Variants in FBXO8 observed in about 807,000 individuals in gnomAD.
FBXO8 encodes the protein F-box only protein 8.
FBXO8 carries 15 observed loss-of-function variants against 33.4 expected under a neutral mutation model. The observed-to-expected ratio is 0.45, with a 90% CI of 0.30 to 0.69. The LOEUF is 0.69. FBXO8 is among the 30% of genes least tolerant of loss of function. The probability of loss-of-function intolerance (pLI) is 0.08; values close to 1 mark genes in which losing one functional copy is unlikely to be tolerated. For synonymous variants in FBXO8, 132 were observed against 131.5 expected, an observed-to-expected ratio of 1.00 and a Z score of -0.02; for missense variants, 274 against 380.3, an observed-to-expected ratio of 0.72 and a Z score of 2.32.
intron 1 of FBXO8, among the ~76,000 whole-genome samples, chr4:174,266,555 G>A (rs566168795): frequency 1.3e-5 from 2 of 152,214 alleles, no homozygotes; most frequent in East Asian, 3.9e-4. Context: ...TGTGAAACAT[G>A]GGTGTAACTG....
chr4:174,277,506 C>T lies in FBXO8; in HGVS notation c.-9+5904G>A, dbSNP rs1169359939. On this transcript the variant is annotated intron_variant, in intron 1 of 5. Transcript: ENST00000393674. The surrounding 1 kb of genome is among the most constrained non-coding windows in gnomAD (Gnocchi z 4.9). ...AAGAATGGTTTATATACTATTTGGGCATATAAAATCTACACAGGGAAAGAT... is the reference window on the plus strand; with the variant it reads ...AAGAATGGTTTATATACTATTTGGGTATATAAAATCTACACAGGGAAAGAT... Among the ~76,000 whole-genome samples the T allele has an allele frequency of 6.6e-6, 1 of 152,052 alleles. No individual in the cohort carries two copies. Among genetic ancestry groups the T allele is most frequent in the Non-Finnish European group, 1.5e-5 (1 of 67,942 alleles).
Position 174,253,551 on chromosome 4 carries a change from G to T in FBXO8, c.456+6148C>A, listed in dbSNP as rs373140511. Among the ~76,000 whole-genome samples, 1 of 152,296 alleles carries T rather than the reference G, an allele frequency of 6.6e-6. No homozygotes were observed. Among genetic ancestry groups the T allele is most frequent in the African/African-American group, 2.4e-5 (1 of 41,564 alleles). ...CCAGCAGAGACCAGAAACAAGGAAGGCTGAATCACATGTTTTAAGTGTATC... is the reference window on the plus strand; with the variant it reads ...CCAGCAGAGACCAGAAACAAGGAAGTCTGAATCACATGTTTTAAGTGTATC... On this transcript the variant is annotated intron_variant, in intron 3 of 5. Coordinates refer to ENST00000393674, the MANE Select transcript of FBXO8 (RefSeq NM_012180.3). The surrounding 1 kb of genome is among the most constrained non-coding windows in gnomAD (Gnocchi z 4.5).
At chr4:174,269,414 G>A (rs1204126494) in intron 1 of FBXO8, among the ~76,000 whole-genome samples, 1 of 152,086 alleles carries the variant, frequency 6.6e-6, no homozygotes, top group African/African-American at 2.4e-5. Context: ...GGCCAGGAGT[G>A]GTGGCTCATG....
chr4:174,242,748 A>C (rs1435722747), intron 3 of FBXO8, among the ~76,000 whole-genome samples: 1 of 151,516 alleles, frequency 6.6e-6, no homozygotes, highest in Non-Finnish European at 1.5e-5. Context: ...AAAACTGTTA[A>C]TGCTTGTTCT....
In FBXO8 at chr4:174,272,149, A is replaced by G. The variant is rs1328662797; in HGVS notation, c.-8-9049T>C. On this transcript the variant is annotated intron_variant, in intron 1 of 5. Coordinates refer to ENST00000393674, the MANE Select transcript of FBXO8 (RefSeq NM_012180.3). The surrounding 1 kb of genome is among the most constrained non-coding windows in gnomAD (Gnocchi z 4.7). ...AGGAGCTAATTTGAAGGAGGCTTCT[A>G]TTGGCCAAACCTGGAACATCAAAAT... 6.6e-6 allele frequency among the ~76,000 whole-genome samples: 1 copy of G among 152,216 alleles called. No homozygotes were observed. Among genetic ancestry groups the G allele is most frequent in the Non-Finnish European group, 1.5e-5 (1 of 68,028 alleles).
intron 3 of FBXO8, among the ~76,000 whole-genome samples, chr4:174,246,270 C>T (rs913252832): frequency 6.6e-6 from 1 of 152,016 alleles, no homozygotes; most frequent in Non-Finnish European, 1.5e-5. Flanking sequence ...AAACAATCTA[C>T]ACAATCTTCC....
chr4:174,276,957 A>G (rs1736974352), intron 1 of FBXO8, among the ~76,000 whole-genome samples: 1 of 152,222 alleles, frequency 6.6e-6, no homozygotes, highest in South Asian at 2.1e-4. Flanking sequence ...GAATGTATAT[A>G]AAAGCATCTT....
At chr4:174,282,938 T>C (rs1452326340) in intron 1 of FBXO8, among the ~76,000 whole-genome samples, 3 of 152,336 alleles carry the variant, frequency 2.0e-5, no homozygotes, top group East Asian at 3.9e-4. Flanking sequence ...ACAAGTTTTA[T>C]AACCCAAGTT....
In FBXO8 at chr4:174,259,885, A is replaced by ATGTAG; in HGVS notation, c.330-61_330-60insCTACA. 1 of 1,448,744 alleles carries ATGTAG rather than the reference A, an allele frequency of 6.9e-7. No individual in the cohort carries two copies. Among genetic ancestry groups the ATGTAG allele is most frequent in the Non-Finnish European group, 9.3e-7 (1 of 1,078,648 alleles). The allele number at this position is 1,448,744 out of a possible 1,614,324, so 89.7% of individuals were successfully genotyped here. A position where few individuals can be genotyped will look rare whatever the true frequency, so the allele number is the denominator to read the frequency against. ...TACTACATTTAATTTCCTAAGTTAA[A>ATGTAG]TATGCATATACATGCAAAAATAGTA... On this transcript the variant is annotated intron_variant, in intron 2 of 5. Transcript: ENST00000393674. The surrounding 1 kb of genome is among the most constrained non-coding windows in gnomAD (Gnocchi z 4.3).
chr4:174,238,416 T>C (rs1366743320), intron 5 of FBXO8, among the ~76,000 whole-genome samples: 2 of 151,880 alleles, frequency 1.3e-5, no homozygotes, highest in African/African-American at 4.8e-5. Context: ...GGAACAGTTT[T>C]GTAATTTCTG....
At chr4:174,249,422 T>G (rs1736236164) in intron 3 of FBXO8, among the ~76,000 whole-genome samples, 1 of 151,994 alleles carries the variant, frequency 6.6e-6, no homozygotes, top group Non-Finnish European at 1.5e-5. Context: ...GCTAGCTAAT[T>G]TAGAATTCTT....
chr4:174,238,748 TACATAGCCATGTATATATATATATACAC>T (rs1190348373), intron 5 of FBXO8, among the ~76,000 whole-genome samples: 3 of 136,760 alleles, frequency 2.2e-5, no homozygotes, highest in Admixed American at 7.6e-5. Flanking sequence ...TGGCTATATA[TACATAGCCATGTATATATATATATACAC>T]ACACACACAC....
chr4:174,268,678 C>A (rs1273285017), intron 1 of FBXO8, among the ~76,000 whole-genome samples: 1 of 152,110 alleles, frequency 6.6e-6, no homozygotes, highest in Non-Finnish European at 1.5e-5. Context: ...CCTCGTGATC[C>A]GCCCGCCTTG....
At position 174,282,843 on chromosome 4, in the gene FBXO8, T is replaced by C. The variant is rs150735895; in HGVS notation, c.-9+567A>G. ...ATGACTGAGGATTGGGATCCATTTA[T>C]GTGATTTTGCCAAATAAATATTGAG... On this transcript the variant is annotated intron_variant, in intron 1 of 5. Coordinates refer to ENST00000393674, the MANE Select transcript of FBXO8 (RefSeq NM_012180.3). Among the ~76,000 whole-genome samples the C allele has an allele frequency of 3.7e-4, 57 of 152,338 alleles. 2 individuals carry two copies. The East Asian group carries it at 0.01, about 28-fold the overall frequency.
Position 174,247,903 on chromosome 4 carries a change from T to G in FBXO8, c.457-6685A>C, listed in dbSNP as rs1736195914. On this transcript the variant is annotated intron_variant, in intron 3 of 5. Transcript: ENST00000393674. This position sits in a 1 kb window ranked among gnomAD's most constrained non-coding sequence, Gnocchi z 4.6. ...AGGTAAATGTAAAATCTATTAATTT[T>G]TATCAGTCCAGAAGTTCTCATTCTC... is the stretch of plus-strand genomic sequence containing the variant. Among the ~76,000 whole-genome samples the G allele has an allele frequency of 2.0e-5, 3 of 152,074 alleles. No homozygotes were observed. The highest frequency in any genetic ancestry group is 7.2e-5 in the African/African-American group (3 of 41,444).
intron 1 of FBXO8, among the ~76,000 whole-genome samples, chr4:174,280,790 C>T (rs550360814): frequency 6.6e-6 from 1 of 152,280 alleles, no homozygotes; most frequent in South Asian, 2.1e-4. Flanking sequence ...TTCTTTACCA[C>T]TTTCCAGTAA....
chr4:174,238,774 C>T (rs61532263), intron 5 of FBXO8, among the ~76,000 whole-genome samples: 13,584 of 46,968 alleles, frequency 0.29, 601 homozygotes, highest in Non-Finnish European at 0.37. Context: ...TATATATATA[C>T]ACACACACAC....
At chr4:174,268,365 A>T (rs1341630019) in intron 1 of FBXO8, among the ~76,000 whole-genome samples, 1 of 152,212 alleles carries the variant, frequency 6.6e-6, no homozygotes, top group Non-Finnish European at 1.5e-5. Context: ...TTTATCCATA[A>T]GGCACAACAC....
rs182372774 is a variant in FBXO8, at chr4:174,239,951, A to T, written c.576-761T>A. Among the ~76,000 whole-genome samples, 267 of 151,866 alleles carry T rather than the reference A, an allele frequency of 1.8e-3. 1 individual carries two copies. The highest frequency in any genetic ancestry group is 3.4e-3 in the Middle Eastern group (1 of 294). ...TCTTCAACTTCTACCAATTGCATAT[A>T]ACAGGAACAGGCGAACTACAGCTAC... On this transcript the variant is annotated intron_variant, in intron 4 of 5. Coordinates refer to ENST00000393674, the MANE Select transcript of FBXO8 (RefSeq NM_012180.3).
Sources: gnomAD v4.1 joint callset for allele counts (sites outside exome capture counted in the v4.1 genomes callset) on GRCh38, gnomAD v4.1.1 for gene constraint, Gnocchi (gnomAD v3.1) non-coding constraint, MANE v1.5 for transcripts, NCBI Gene and HGNC (gene_info 2026-07-23, HGNC 2026-07-21) for gene names.